Variants in AUTS2 observed in about 807,000 individuals in gnomAD.
AUTS2 encodes autism susceptibility gene 2 protein.
A neutral mutation model predicts 112.4 loss-of-function variants in AUTS2; 17 were observed. The observed-to-expected ratio is 0.15, with a 90% CI of 0.10 to 0.23. AUTS2 has a LOEUF of 0.23. Ranked by LOEUF, AUTS2 falls within the 10% of genes least tolerant of loss-of-function variation. The pLI is 1.00. For synonymous variants in AUTS2, 751 were observed against 702.7 expected (o/e 1.07, Z -1.09); for missense variants, 1,510 against 1,701.6 (o/e 0.89, Z 1.98).
rs71077652 is a variant in AUTS2 at position 70,340,163 on chromosome 7, A to AACACAC, written c.661-95562_661-95557dup. Among the ~76,000 whole-genome samples the AACACAC allele has an allele frequency of 1.5e-3, 211 of 144,758 alleles. 1 individual carries two copies. Among genetic ancestry groups the AACACAC allele is most frequent in the East Asian group, 7.1e-3 (35 of 4,932 alleles). The allele number at this position is 144,758 out of a possible 152,430, so 95.0% of individuals were successfully genotyped here. ...CCATCTGTGTCCATGTATGGAGAGA[A>AACACAC]ACACACACACACACACACACACACA... On this transcript the variant is annotated intron_variant, in intron 4 of 18. Transcript: ENST00000342771.
At chr7:70,187,099 G>T (rs1331578548) in intron 4 of AUTS2, among the ~76,000 whole-genome samples, 1 of 152,172 alleles carries the variant, frequency 6.6e-6, no homozygotes, top group Non-Finnish European at 1.5e-5. Flanking sequence ...CTTGAAATGA[G>T]TTCAGTGGAT....
intron 3 of AUTS2, chr7:70,118,751 G>C (rs367777941): frequency 5.6e-4 from 86 of 152,388 alleles, no homozygotes; most frequent in African/African-American, 2.0e-3. Flanking sequence ...TACTCAGCCT[G>C]GGTGACAGAG....
chr7:70,361,693 G>T (rs1400788180), intron 4 of AUTS2, among the ~76,000 whole-genome samples: 1 of 152,182 alleles, frequency 6.6e-6, no homozygotes, highest in Non-Finnish European at 1.5e-5. Context: ...AGGATGAACA[G>T]AAAGGGAGAA....
chr7:70,166,352 T>C (rs73160200), intron 4 of AUTS2, among the ~76,000 whole-genome samples: 5,157 of 152,292 alleles, frequency 0.034, 119 homozygotes, highest in Middle Eastern at 0.078. Context: ...AAGTCTAAAT[T>C]ATTTACTATC....
chr7:70,293,132 T>C (rs1371763605), intron 4 of AUTS2: 1 of 152,174 alleles, frequency 6.6e-6, no homozygotes, highest in African/African-American at 2.4e-5. Context: ...CTGTTGTCAT[T>C]TGTTCACATC....
In AUTS2 at chr7:70,150,122, G is replaced by A. The variant is rs1250775606; in HGVS notation, c.660+15551G>A. On this transcript the variant is annotated intron_variant, in intron 4 of 18. Coordinates refer to ENST00000342771, the MANE Select transcript of AUTS2 (RefSeq NM_015570.4). The stretch of plus-strand genomic sequence containing the variant: ...GAACTTGAGTTCATAAAATGTTTCC[G>A]AGGTAATGTATGCAAGAATTTATTG... Among the ~76,000 whole-genome samples, 9 of 152,162 alleles carry A rather than the reference G, an allele frequency of 5.9e-5. 1 individual carries two copies. In the South Asian group the frequency reaches 1.0e-3, roughly 18 times the overall value.
intron 4 of AUTS2, among the ~76,000 whole-genome samples, chr7:70,220,671 C>A (rs1467325020): frequency 6.6e-6 from 1 of 152,138 alleles, no homozygotes; most frequent in Non-Finnish European, 1.5e-5. Flanking sequence ...CAGCTGGATC[C>A]TGAAGAAAAA....
intron 5 of AUTS2, among the ~76,000 whole-genome samples, chr7:70,519,121 C>T (rs912149269): frequency 6.6e-6 from 1 of 152,206 alleles, no homozygotes; most frequent in African/African-American, 2.4e-5. Context: ...TTTACATCTA[C>T]TCTGTATCTT....
chr7:69,669,742 T>C (rs956736405), intron 1 of AUTS2, among the ~76,000 whole-genome samples: 2 of 152,144 alleles, frequency 1.3e-5, no homozygotes, highest in African/African-American at 2.4e-5. Context: ...ACTTTTTTTT[T>C]CCTTTTATGA....
intron 2 of AUTS2, among the ~76,000 whole-genome samples, chr7:70,082,599 T>G (rs1189605853): frequency 6.6e-6 from 1 of 152,222 alleles, no homozygotes; most frequent in Non-Finnish European, 1.5e-5. Flanking sequence ...GTTGGAAACT[T>G]TGAATGAGAA....
intron 2 of AUTS2, among the ~76,000 whole-genome samples, chr7:69,908,887 C>T (rs1021572606): frequency 1.3e-5 from 2 of 152,042 alleles, no homozygotes; most frequent in Admixed American, 1.3e-4. Flanking sequence ...TCTTTGAACC[C>T]CTATGTCAGA....
At position 70,023,207 on chromosome 7, in the gene AUTS2, C is replaced by T. The variant is rs534000581; in HGVS notation, c.523-94925C>T. 5.9e-5 allele frequency among the ~76,000 whole-genome samples: 9 copies of T among 152,216 alleles called. No homozygotes were observed. The South Asian group carries it at 1.7e-3, about 28-fold the overall frequency. ...GTGTGTTTTATAAGATCATTATCAC[C>T]GATAATAAATGCAGCTTAATTTCTA... On this transcript the variant is annotated intron_variant, in intron 2 of 18. Transcript: ENST00000342771.
At chr7:70,528,226 G>T (rs1364830302) in intron 5 of AUTS2, among the ~76,000 whole-genome samples, 1 of 149,982 alleles carries the variant, frequency 6.7e-6, no homozygotes, top group Non-Finnish European at 1.5e-5. Flanking sequence ...TTGACCATGG[G>T]TCAAGATTCC....
At chr7:70,132,067 A>G (rs1806301039) in intron 3 of AUTS2, among the ~76,000 whole-genome samples, 1 of 151,500 alleles carries the variant, frequency 6.6e-6, no homozygotes, top group African/African-American at 2.4e-5. Flanking sequence ...TGTCAATGCC[A>G]TGGACATTTG....
intron 4 of AUTS2, among the ~76,000 whole-genome samples, chr7:70,162,684 T>C (rs1808155843): frequency 6.6e-6 from 1 of 152,048 alleles, no homozygotes; most frequent in African/African-American, 2.4e-5. Flanking sequence ...TTTAATTGTA[T>C]TATTAAACGA....
intron 4 of AUTS2, among the ~76,000 whole-genome samples, chr7:70,234,269 T>C (rs1341934545): frequency 6.6e-6 from 1 of 152,206 alleles, no homozygotes; most frequent in Non-Finnish European, 1.5e-5. Flanking sequence ...ATAAAGCATA[T>C]GCCAAGATTT....
At chr7:69,674,291 G>A (rs1796460890) in intron 1 of AUTS2, among the ~76,000 whole-genome samples, 1 of 152,220 alleles carries the variant, frequency 6.6e-6, no homozygotes, top group African/African-American at 2.4e-5. Context: ...CTTCTCTGGA[G>A]GCTGTTTGTC....
intron 5 of AUTS2, among the ~76,000 whole-genome samples, chr7:70,507,463 A>G (rs1799010792): frequency 6.6e-6 from 1 of 152,116 alleles, no homozygotes; most frequent in Non-Finnish European, 1.5e-5. Context: ...TTAACATGAC[A>G]ACAGCTGGCT....
chr7:69,948,135 G>A (rs1469714884), intron 2 of AUTS2, among the ~76,000 whole-genome samples: 1 of 152,138 alleles, frequency 6.6e-6, no homozygotes, highest in Non-Finnish European at 1.5e-5. Flanking sequence ...TCTTTTAGCT[G>A]TGCCCAGCGG....
Sources: allele counts gnomAD v4.1 joint callset (sites outside exome capture counted in the v4.1 genomes callset), GRCh38; gene constraint gnomAD v4.1.1; transcripts MANE v1.5; gene names NCBI Gene and HGNC (gene_info 2026-07-23, HGNC 2026-07-21).